SYN2: variants seen among roughly 807,000 people sequenced by gnomAD.
SYN2 encodes synapsin-2.
Under a neutral mutation model 50.9 loss-of-function variants are expected in SYN2, and 19 were observed. The observed-to-expected ratio is 0.37, with a 90% CI of 0.26 to 0.55. The LOEUF (loss-of-function observed/expected upper bound fraction) is 0.55, where lower values mean the gene tolerates loss of function less well. Ranked by LOEUF, SYN2 falls within the 20% of genes least tolerant of loss-of-function variation. The pLI, the probability that SYN2 is intolerant of heterozygous loss-of-function variation, is 0.81. For synonymous variants in SYN2, 255 were observed against 224.9 expected, an observed-to-expected ratio of 1.13 and a Z score of -1.20; for missense variants, 587 against 576.4, an observed-to-expected ratio of 1.02 and a Z score of -0.19.
intron 8 of SYN2, among the ~76,000 whole-genome samples, chr3:12,167,946 G>A (rs763469233): frequency 3.3e-5 from 5 of 152,204 alleles, no homozygotes; most frequent in Non-Finnish European, 5.9e-5. Flanking sequence ...GAACTTGGCC[G>A]CATTGTGTCC....
chr3:12,077,106 C>T (rs539789757), intron 1 of SYN2, among the ~76,000 whole-genome samples: 4 of 152,034 alleles, frequency 2.6e-5, no homozygotes, highest in Non-Finnish European at 5.9e-5. Flanking sequence ...AATCTTGCTA[C>T]AGTATCTCCT....
intron 1 of SYN2, chr3:12,070,524 G>A: frequency 1.2e-6 from 1 of 833,610 alleles, no homozygotes; most frequent in Non-Finnish European, 1.9e-6. Flanking sequence ...GTTGCGTGTG[G>A]CCCCGGAGGA....
chr3:12,118,802 T>C (rs754914342), intron 1 of SYN2, among the ~76,000 whole-genome samples: 4 of 152,186 alleles, frequency 2.6e-5, no homozygotes, highest in Non-Finnish European at 5.9e-5. Context: ...AATGTGAAAT[T>C]TTAAGTTTTG....
chr3:12,078,138 A>G (rs916749792), intron 1 of SYN2, among the ~76,000 whole-genome samples: 1 of 151,922 alleles, frequency 6.6e-6, no homozygotes, highest in Non-Finnish European at 1.5e-5. Flanking sequence ...GTCTGTTCAT[A>G]TCTTTTGCCC....
At chr3:12,184,208 A>G (rs750997418) in intron 11 of SYN2, 7 of 985,806 alleles carry the variant, frequency 7.1e-6, no homozygotes, top group South Asian at 4.7e-5. Flanking sequence ...CTAATTAACT[A>G]TGAGATTTTT....
At chr3:12,071,456 C>T (rs1574923266) in intron 1 of SYN2, 1 of 485,854 alleles carries the variant, frequency 2.1e-6, no homozygotes, top group South Asian at 1.6e-5. Flanking sequence ...ATGCTAGCCT[C>T]ATGAAACTGG....
intron 1 of SYN2, among the ~76,000 whole-genome samples, chr3:12,044,209 A>ACC (rs1694687512): frequency 6.0e-5 from 8 of 134,132 alleles, no homozygotes; most frequent in Admixed American, 2.3e-4. Flanking sequence ...ACACACACAC[A>ACC]CACACACACA....
chr3:12,143,613 A>G (rs1177821152), intron 3 of SYN2, among the ~76,000 whole-genome samples: 1 of 152,068 alleles, frequency 6.6e-6, no homozygotes, highest in East Asian at 1.9e-4. Flanking sequence ...TGCAAAAGAC[A>G]TGATTTTATT....
intron 5 of SYN2, among the ~76,000 whole-genome samples, chr3:12,159,776 C>T (rs189218472): frequency 2.9e-4 from 44 of 152,242 alleles, no homozygotes; most frequent in African/African-American, 1.0e-3. Flanking sequence ...GGCGTGGTGG[C>T]TCACGCCTGT....
chr3:12,005,766 T>C (rs1693789741), intron 1 of SYN2, among the ~76,000 whole-genome samples: 1 of 152,042 alleles, frequency 6.6e-6, no homozygotes, highest in Non-Finnish European at 1.5e-5. Flanking sequence ...ATAATTTTTT[T>C]TTTCTTCTAA....
At chr3:12,020,563 TAGG>T (rs1458100169) in intron 1 of SYN2, among the ~76,000 whole-genome samples, 1 of 152,084 alleles carries the variant, frequency 6.6e-6, no homozygotes. Flanking sequence ...CCCAGACCCT[TAGG>T]AGAAAGATCT....
intron 1 of SYN2, among the ~76,000 whole-genome samples, chr3:12,103,778 TG>T (rs1328729140): frequency 6.6e-6 from 1 of 151,972 alleles, no homozygotes; most frequent in Non-Finnish European, 1.5e-5. Context: ...AAGGCAAAAC[TG>T]GACTCAAAAT....
chr3:12,007,596 A>G (rs1207703527), intron 1 of SYN2, among the ~76,000 whole-genome samples: 1 of 152,216 alleles, frequency 6.6e-6, no homozygotes, highest in African/African-American at 2.4e-5. Flanking sequence ...TATATGCCCT[A>G]TATTATTTTT....
intron 10 of SYN2, among the ~76,000 whole-genome samples, chr3:12,182,547 A>G (rs1057351071): frequency 6.6e-6 from 1 of 152,222 alleles, no homozygotes; most frequent in Non-Finnish European, 1.5e-5. Flanking sequence ...GGTTAAGTGT[A>G]GTCATGCTGT....
At chr3:12,087,333 T>A (rs1423565273) in intron 1 of SYN2, among the ~76,000 whole-genome samples, 1 of 152,158 alleles carries the variant, frequency 6.6e-6, no homozygotes, top group Admixed American at 6.5e-5. Context: ...AATTCCAATG[T>A]CATTTTTCAT....
chr3:12,174,555 C>T (rs1332404473), intron 10 of SYN2, among the ~76,000 whole-genome samples: 1 of 152,094 alleles, frequency 6.6e-6, no homozygotes, highest in Non-Finnish European at 1.5e-5. Flanking sequence ...CATCTCAGCT[C>T]ACTGCCACCA....
Position 12,021,281 on chromosome 3 carries a change from A to G in SYN2, c.377+16353A>G, listed in dbSNP as rs901987136. 9.2e-5 allele frequency among the ~76,000 whole-genome samples: 14 copies of G among 152,346 alleles called. No individual in the cohort carries two copies. The East Asian group carries it at 2.7e-3, about 29-fold the overall frequency. On this transcript the variant is annotated intron_variant, in intron 1 of 12. Coordinates refer to ENST00000621198, the MANE Select transcript of SYN2 (RefSeq NM_133625.6). ...ATCTGTAACTCTTGGTAATGTTACT[A>G]TATTGCAATATCTGAAAAGATTCTA...
intron 1 of SYN2, among the ~76,000 whole-genome samples, chr3:12,011,462 C>T (rs1251160182): frequency 1.3e-5 from 2 of 152,054 alleles, no homozygotes; most frequent in African/African-American, 4.8e-5. Context: ...ACCACAGGTG[C>T]CTGAACTCTA....
At chr3:12,027,195 G>A (rs1358506831) in intron 1 of SYN2, among the ~76,000 whole-genome samples, 14 of 152,050 alleles carry the variant, frequency 9.2e-5, no homozygotes, top group Admixed American at 9.2e-4. Context: ...AGCCTTCCCA[G>A]CTCTTCTCCA....
Sources: allele counts gnomAD v4.1 joint callset (sites outside exome capture counted in the v4.1 genomes callset), GRCh38; gene constraint gnomAD v4.1.1; transcripts MANE v1.5; gene names NCBI Gene and HGNC (gene_info 2026-07-23, HGNC 2026-07-21).